The following KCNIP4 variants were observed in gnomAD, a reference collection of about 807,000 sequenced individuals.
KCNIP4 encodes the protein Kv channel-interacting protein 4.
Under a neutral mutation model 34.0 loss-of-function variants are expected in KCNIP4, and 12 were observed. That is an observed-to-expected ratio of 0.35 (90% CI 0.23 to 0.57). The LOEUF (loss-of-function observed/expected upper bound fraction) is 0.57, where lower values mean the gene tolerates loss of function less well. KCNIP4 is among the 20% of genes least tolerant of loss of function. KCNIP4 has a pLI of 0.83. For missense variants in KCNIP4, 238 were observed against 311.7 expected (o/e 0.76, Z 1.78); for synonymous variants, 124 against 102.2 (o/e 1.21, Z -1.29).
intron 3 of KCNIP4, among the ~76,000 whole-genome samples, chr4:20,770,758 A>AC (rs536404708): frequency 2.0e-5 from 3 of 152,076 alleles, no homozygotes; most frequent in Non-Finnish European, 4.4e-5. Flanking sequence ...ACATGGTGAA[A>AC]CCCCGTCTGT....
intron 1 of KCNIP4, among the ~76,000 whole-genome samples, chr4:21,480,070 T>G (rs914829515): frequency 1.3e-5 from 2 of 151,446 alleles, no homozygotes; most frequent in Non-Finnish European, 3.0e-5. Flanking sequence ...ATAGGAAAAT[T>G]TAAATTAATC....
At chr4:21,120,378 G>A (rs1003342960) in intron 1 of KCNIP4, among the ~76,000 whole-genome samples, 13 of 152,078 alleles carry the variant, frequency 8.5e-5, no homozygotes, top group Admixed American at 3.9e-4. Flanking sequence ...TCTTCTCCCC[G>A]TGTCTTCACA....
At chr4:21,810,109 A>C (rs1231443507) in intron 1 of KCNIP4, among the ~76,000 whole-genome samples, 2 of 152,200 alleles carry the variant, frequency 1.3e-5, no homozygotes, top group Non-Finnish European at 2.9e-5. Flanking sequence ...GACACCATGA[A>C]GGTTGAACAA....
At chr4:21,786,224 G>C (rs1719903388) in intron 1 of KCNIP4, among the ~76,000 whole-genome samples, 1 of 152,136 alleles carries the variant, frequency 6.6e-6, no homozygotes, top group Non-Finnish European at 1.5e-5. Context: ...TGGGATTACA[G>C]GCCTGAGCCA....
At chr4:21,554,825 G>C (rs1738862840) in intron 1 of KCNIP4, among the ~76,000 whole-genome samples, 1 of 152,068 alleles carries the variant, frequency 6.6e-6, no homozygotes, top group South Asian at 2.1e-4. Context: ...GTTCTTTATG[G>C]TCACATGTAA....
intron 3 of KCNIP4, among the ~76,000 whole-genome samples, chr4:20,845,618 G>A (rs976102603): frequency 1.3e-5 from 2 of 152,178 alleles, no homozygotes; most frequent in Non-Finnish European, 2.9e-5. Context: ...TAACACAGAG[G>A]TGATGGGATG....
chr4:21,845,728 G>A (rs1723975479), intron 1 of KCNIP4: 2 of 152,108 alleles, frequency 1.3e-5, no homozygotes, highest in East Asian at 1.9e-4. Flanking sequence ...CTCACTAACT[G>A]CCTAAGTTAG....
intron 3 of KCNIP4, among the ~76,000 whole-genome samples, chr4:20,777,312 C>A (rs969221549): frequency 1.3e-5 from 2 of 152,182 alleles, no homozygotes; most frequent in Non-Finnish European, 2.9e-5. Context: ...ATGGGGGCAA[C>A]TGCCCCCATG....
intron 5 of KCNIP4, among the ~76,000 whole-genome samples, chr4:20,748,181 C>T (rs1752770771): frequency 6.6e-6 from 1 of 152,160 alleles, no homozygotes; most frequent in East Asian, 1.9e-4. Context: ...CTGCCTAAGA[C>T]ATGTCAACTT....
intron 1 of KCNIP4, among the ~76,000 whole-genome samples, chr4:21,083,813 A>T (rs1287495638): frequency 2.0e-5 from 3 of 151,330 alleles, no homozygotes; most frequent in African/African-American, 7.3e-5. Context: ...AACTAGCACA[A>T]CTCTCTTCTT....
At chr4:21,317,021 G>T (rs1016262734) in intron 1 of KCNIP4, among the ~76,000 whole-genome samples, 1 of 152,002 alleles carries the variant, frequency 6.6e-6, no homozygotes, top group Admixed American at 6.6e-5. Flanking sequence ...ATTCTCAAAG[G>T]TAACATCAGT....
At chr4:21,270,718 G>T (rs1203953028) in intron 1 of KCNIP4, among the ~76,000 whole-genome samples, 1 of 152,074 alleles carries the variant, frequency 6.6e-6, no homozygotes, top group African/African-American at 2.4e-5. Flanking sequence ...CAGGTGCGGT[G>T]GCTCACACCT....
chr4:21,766,762 A>T (rs1718446434), intron 1 of KCNIP4, among the ~76,000 whole-genome samples: 1 of 152,132 alleles, frequency 6.6e-6, no homozygotes, highest in South Asian at 2.1e-4. Context: ...CAATAAACTT[A>T]TTTCACTCTT....
intron 1 of KCNIP4, among the ~76,000 whole-genome samples, chr4:21,460,509 T>C (rs1729366034): frequency 6.6e-6 from 1 of 152,090 alleles, no homozygotes. Context: ...GATCATGATA[T>C]GGACTGATTC....
intron 1 of KCNIP4, among the ~76,000 whole-genome samples, chr4:21,186,289 TC>T (rs1189747899): frequency 6.6e-6 from 1 of 152,176 alleles, no homozygotes; most frequent in Non-Finnish European, 1.5e-5. Flanking sequence ...TTTTCAAAGC[TC>T]AACTCCTTGT....
At chr4:21,839,061 C>A (rs755622488) in intron 1 of KCNIP4, among the ~76,000 whole-genome samples, 2 of 152,036 alleles carry the variant, frequency 1.3e-5, no homozygotes, top group Admixed American at 6.6e-5. Context: ...AGGAAATATG[C>A]CTCTAGCAAG....
intron 1 of KCNIP4, among the ~76,000 whole-genome samples, chr4:21,378,515 C>G (rs1721182785): frequency 6.6e-6 from 1 of 152,086 alleles, no homozygotes; most frequent in Non-Finnish European, 1.5e-5. Context: ...AGGATCATTC[C>G]AAAAGTCGGC....
chr4:20,825,209 AC>A (rs1337728714), intron 3 of KCNIP4, among the ~76,000 whole-genome samples: 3 of 145,618 alleles, frequency 2.1e-5, no homozygotes, highest in Admixed American at 7.1e-5. Flanking sequence ...TAAAGGATTG[AC>A]CTGGTCAATT....
rs187704016 is a variant in KCNIP4 at position 21,075,946 on chromosome 4, A to G, written c.62-193237T>C. ...ATTCTGGGTTGAAAATTCTTTCTTT[A>G]AGAATGTTGAATACTGGCCCCCACT... On this transcript the variant is annotated intron_variant, in intron 1 of 8. Coordinates refer to ENST00000382152, the MANE Select transcript of KCNIP4 (RefSeq NM_025221.6). 2.1e-3 allele frequency among the ~76,000 whole-genome samples: 320 copies of G among 152,180 alleles called. 4 individuals carry two copies. Among genetic ancestry groups the G allele is most frequent in the East Asian group, 1.9e-3 (10 of 5,168 alleles).
Sources: gnomAD v4.1 joint callset for allele counts (sites outside exome capture counted in the v4.1 genomes callset) on GRCh38, gnomAD v4.1.1 for gene constraint, MANE v1.5 for transcripts, NCBI Gene and HGNC (gene_info 2026-07-23, HGNC 2026-07-21) for gene names.